The following ZNF423 variants were observed in gnomAD, a reference collection of about 807,000 sequenced individuals.
The protein encoded by ZNF423 is Ebf-associated zinc finger protein.
A neutral mutation model predicts 95.8 loss-of-function variants in ZNF423; 12 were observed. The ratio of observed to expected loss-of-function variants is 0.13; its 90% CI spans 0.08 to 0.20. ZNF423 has a LOEUF of 0.20. Among genes scored for constraint, ZNF423 ranks in the 10% least tolerant of loss-of-function variants. The probability of loss-of-function intolerance (pLI) is 1.00; values close to 1 mark genes in which losing one functional copy is unlikely to be tolerated. For synonymous variants in ZNF423, 749 were observed against 711.9 expected (o/e 1.05, Z -0.83); for missense variants, 1,316 against 1,737.1 (o/e 0.76, Z 4.31).
chr16:49,635,672 C>A lies in ZNF423; in HGVS notation c.3504G>T (p.Ser1168=), dbSNP rs200335668. ...GGACTGCACTTACCCGGGGCACTGG[C>A]GATGTCTGGGTGCCTTTCCGGGGCC... ...TSGPRKGTQT[S]PVPRKKTYQC... Residue 1168 remains serine, a synonymous_variant, in exon 4 of 8, where the codon TCG becomes TCT. Coordinates refer to ENST00000563137, the MANE Select transcript of ZNF423 (RefSeq NM_001379286.1). This position sits in a 1 kb window ranked among gnomAD's most constrained non-coding sequence, Gnocchi z 4.8. The A allele has an allele frequency of 3.8e-6, 6 of 1,574,740 alleles. No individual in the cohort carries two copies. The highest frequency in any genetic ancestry group is 3.7e-5 in the Admixed American group (2 of 53,496).
At chr16:49,610,839 A>G (rs1971698579) in intron 5 of ZNF423, among the ~76,000 whole-genome samples, 1 of 152,034 alleles carries the variant, frequency 6.6e-6, no homozygotes, top group South Asian at 2.1e-4. Context: ...TATCTTGCAA[A>G]CATTCATTGA....
At chr16:49,763,941 C>T (rs1055862751) in intron 2 of ZNF423, among the ~76,000 whole-genome samples, 5 of 152,142 alleles carry the variant, frequency 3.3e-5, no homozygotes, top group East Asian at 1.9e-4. Flanking sequence ...CACCACTCAG[C>T]GGAGAGCTAC....
At chr16:49,715,620 C>A (rs1253165507) in intron 3 of ZNF423, among the ~76,000 whole-genome samples, 3 of 151,904 alleles carry the variant, frequency 2.0e-5, no homozygotes, top group African/African-American at 7.3e-5. Flanking sequence ...TGGTGTGCAC[C>A]CATAGTCCTA....
At chr16:49,620,054 C>T (rs540150944) in intron 5 of ZNF423, among the ~76,000 whole-genome samples, 7 of 151,806 alleles carry the variant, frequency 4.6e-5, no homozygotes, top group Non-Finnish European at 8.8e-5. Context: ...AAAGTATCTC[C>T]AGGGATGTGC....
chr16:49,726,955 G>T (rs1013578527), intron 3 of ZNF423, among the ~76,000 whole-genome samples: 1 of 150,922 alleles, frequency 6.6e-6, no homozygotes, highest in Non-Finnish European at 1.5e-5. Context: ...ACGTGAAAAC[G>T]TATGTGCTCA....
chr16:49,517,677 C>CTT (rs113365526), intron 7 of ZNF423: 203 of 216,858 alleles, frequency 9.4e-4, no homozygotes, highest in South Asian at 2.3e-3. Flanking sequence ...TGAGAGAAAA[C>CTT]TTTTTTTTTT....
intron 2 of ZNF423, among the ~76,000 whole-genome samples, chr16:49,740,762 G>T (rs1302669676): frequency 6.6e-6 from 1 of 152,208 alleles, no homozygotes; most frequent in African/African-American, 2.4e-5. Context: ...GCTCCGTCTG[G>T]CCATGAGGGA....
At chr16:49,718,427 G>A (rs947850593) in intron 3 of ZNF423, among the ~76,000 whole-genome samples, 2 of 152,124 alleles carry the variant, frequency 1.3e-5, no homozygotes, top group African/African-American at 4.8e-5. Flanking sequence ...ATCTGTGAAT[G>A]AACGCACACG....
At chr16:49,619,218 A>T (rs554709390) in intron 5 of ZNF423, among the ~76,000 whole-genome samples, 1 of 152,120 alleles carries the variant, frequency 6.6e-6, no homozygotes, top group Non-Finnish European at 1.5e-5. Context: ...GTGACGTTAC[A>T]TTGACCTTGC....
intron 1 of ZNF423, among the ~76,000 whole-genome samples, chr16:49,797,934 G>T (rs557547065): frequency 9.4e-6 from 1 of 106,108 alleles, no homozygotes; most frequent in East Asian, 2.8e-4. Flanking sequence ...TTTAGGCCAG[G>T]CACAGTCACT....
chr16:49,796,784 A>G (rs2034505588), intron 1 of ZNF423, among the ~76,000 whole-genome samples: 1 of 152,206 alleles, frequency 6.6e-6, no homozygotes, highest in Non-Finnish European at 1.5e-5. Context: ...GAAGGCTGGA[A>G]GAAGGCTCTG....
intron 5 of ZNF423, among the ~76,000 whole-genome samples, chr16:49,532,751 T>A (rs1306297888): frequency 2.0e-5 from 3 of 152,228 alleles, no homozygotes; most frequent in Admixed American, 1.3e-4. Flanking sequence ...TTTTTTGATC[T>A]GTGGGCCACT....
chr16:49,671,167 G>A (rs574163290), intron 3 of ZNF423, among the ~76,000 whole-genome samples: 1 of 152,314 alleles, frequency 6.6e-6, no homozygotes, highest in African/African-American at 2.4e-5. Flanking sequence ...GCTGTGCCTG[G>A]TCACCCAGGG....
chr16:49,505,296 C>A (rs140141485), intron 7 of ZNF423, among the ~76,000 whole-genome samples: 1 of 152,148 alleles, frequency 6.6e-6, no homozygotes, highest in Non-Finnish European at 1.5e-5. Flanking sequence ...TTCAGGTCCC[C>A]AAACTAACCC....
At chr16:49,689,137 G>A (rs2031680372) in intron 3 of ZNF423, among the ~76,000 whole-genome samples, 2 of 152,260 alleles carry the variant, frequency 1.3e-5, no homozygotes, top group Middle Eastern at 3.4e-3. Context: ...GTCTAAGATT[G>A]TGTTGTATAA....
intron 1 of ZNF423, among the ~76,000 whole-genome samples, chr16:49,845,485 A>G (rs2035235436): frequency 6.6e-6 from 1 of 151,192 alleles, no homozygotes; most frequent in South Asian, 2.1e-4. Flanking sequence ...TCGCCTTCTT[A>G]TGCACCGGGA....
chr16:49,788,437 T>A (rs1447017257), intron 2 of ZNF423, among the ~76,000 whole-genome samples: 2 of 152,216 alleles, frequency 1.3e-5, no homozygotes, highest in Admixed American at 6.5e-5. Flanking sequence ...TCATCGTAAG[T>A]CACAAATGTC....
At chr16:49,804,593 C>T (rs1458398258) in intron 1 of ZNF423, among the ~76,000 whole-genome samples, 1 of 152,172 alleles carries the variant, frequency 6.6e-6, no homozygotes, top group Non-Finnish European at 1.5e-5. Context: ...GCCACCTCCT[C>T]TCCTGGTCAG....
At chr16:49,609,705 A>G (rs1347288221) in intron 5 of ZNF423, among the ~76,000 whole-genome samples, 1 of 152,160 alleles carries the variant, frequency 6.6e-6, no homozygotes, top group Admixed American at 6.5e-5. Context: ...GTGGGACTAT[A>G]ACATTTTTGT....
Sources: gnomAD v4.1 joint callset for allele counts (sites outside exome capture counted in the v4.1 genomes callset) on GRCh38, gnomAD v4.1.1 for gene constraint, Gnocchi (gnomAD v3.1) non-coding constraint, MANE v1.5 for transcripts, NCBI Gene and HGNC (gene_info 2026-07-23, HGNC 2026-07-21) for gene names.